The following UBA1 variants were observed in gnomAD, a reference collection of about 807,000 sequenced individuals.
The protein encoded by UBA1 is ubiquitin-like modifier-activating enzyme 1.
UBA1 carries 4 observed loss-of-function variants against 84.7 expected under a neutral mutation model. That is an observed-to-expected ratio of 0.05 (90% confidence interval 0.02 to 0.11). UBA1 has a LOEUF of 0.11. Ranked by LOEUF, UBA1 falls within the 10% of genes least tolerant of loss-of-function variation. The probability of loss-of-function intolerance (pLI) is 1.00; values close to 1 mark genes in which losing one functional copy is unlikely to be tolerated. For missense variants in UBA1, 513 were observed against 902.8 expected, an observed-to-expected ratio of 0.57 and a Z score of 5.53; for synonymous variants, 364 against 362.6, an observed-to-expected ratio of 1.00 and a Z score of -0.04.
In UBA1 at chrX:47,199,545, G is replaced by A. The variant is rs782009712; in HGVS notation, c.411G>A (p.Glu137=). 3.8e-5 allele frequency: 46 copies of A among 1,210,022 alleles called. No individual in the cohort carries two copies. The Middle Eastern group carries it at 6.9e-4, about 18-fold the overall frequency. The change falls in exon 5 of 26, where the codon GAG becomes GAA. Residue 137 remains glutamate (E), a synonymous_variant. Coordinates refer to ENST00000335972, the MANE Select transcript of UBA1 (RefSeq NM_003334.4). ...AGGTATCACAGCCCCGCCTCGCTGAGCTCAACAGCTATGTGCCTGTCACTG... is the reference window on the plus strand; with the variant it reads ...AGGTATCACAGCCCCGCCTCGCTGAACTCAACAGCTATGTGCCTGTCACTG... ...RAEVSQPRLA[E]LNSYVPVTAY...
chrX:47,202,042 G>A (rs782152855), intron 8 of UBA1, 114 bp from the exon 9 acceptor site: 4 of 623,278 alleles, frequency 6.4e-6, no homozygotes, highest in Admixed American at 2.7e-5. Flanking sequence ...GGAGCTGAGG[G>A]AAGACAGCTT....
chrX:47,200,522 G>A (rs1462333970), intron 5 of UBA1, among the ~76,000 whole-genome samples: 1 of 111,716 alleles, frequency 9.0e-6, no homozygotes, highest in Non-Finnish European at 1.9e-5. Flanking sequence ...CGGAGCAGGC[G>A]TCGTCTTGAG....
chrX:47,203,074 G>C, intron 12 of UBA1, 27 bp downstream of exon 12: 1 of 1,204,289 alleles, frequency 8.3e-7, no homozygotes, highest in Non-Finnish European at 1.1e-6. Flanking sequence ...TGTGGGGAGG[G>C]CATCATTGGG....
intron 5 of UBA1, among the ~76,000 whole-genome samples, chrX:47,200,273 T>C (rs1213042688): frequency 8.9e-6 from 1 of 112,344 alleles, no homozygotes; most frequent in African/African-American, 3.2e-5. Context: ...CAGCACTGAC[T>C]TCATGGACTT....
upstream of UBA1, chrX:47,190,986 A>G (rs782413929): frequency 9.8e-5 from 11 of 112,678 alleles, no homozygotes; most frequent in Admixed American, 1.9e-4. Flanking sequence ...GCCTCTGGAC[A>G]GCATTTGGAG....
chrX:47,198,129 T>A lies in UBA1; in HGVS notation c.1-674T>A, dbSNP rs782230974. The A allele has an allele frequency of 2.0e-5, 18 of 922,988 alleles. No individual in the cohort carries two copies. In the South Asian group the frequency reaches 4.3e-4, roughly 22 times the overall value. The allele number at this position is 922,988 out of a possible 1,213,427, so 76.1% of individuals were successfully genotyped here. On this transcript the variant is annotated intron_variant, in intron 1 of 25. Coordinates refer to ENST00000335972, the MANE Select transcript of UBA1 (RefSeq NM_003334.4). Reference sequence around the variant, plus strand: ...CCAAAGCTGGGGGCAGGGTTGGGCTTTATAAAACTTGAGCCCCTCTGGGGA... The same window carrying A: ...CCAAAGCTGGGGGCAGGGTTGGGCTATATAAAACTTGAGCCCCTCTGGGGA...
intron 16 of UBA1, 152 bp from the exon 17 acceptor site, chrX:47,209,471 T>A: frequency 1.8e-6 from 1 of 551,914 alleles, no homozygotes. Flanking sequence ...TCAATTGAGG[T>A]GGGGGAATGG....
chrX:47,199,446 A>G, intron 4 of UBA1, 34 bp from the exon 5 acceptor site: 1 of 1,211,186 alleles, frequency 8.3e-7, no homozygotes, highest in Non-Finnish European at 1.1e-6. Flanking sequence ...TGCCACAGCC[A>G]TTTCATCTTT....
chrX:47,207,854 C>G (rs1556791640), intron 16 of UBA1, among the ~76,000 whole-genome samples: 1 of 112,081 alleles, frequency 8.9e-6, no homozygotes, highest in Non-Finnish European at 1.9e-5. Context: ...ATCTACCTCA[C>G]AGGACTATTG....
At chrX:47,213,329 C>A in intron 23 of UBA1, 148 bp downstream of exon 23, 1 of 621,698 alleles carries the variant, frequency 1.6e-6, no homozygotes, top group Non-Finnish European at 2.4e-6. Context: ...TCATTAATCA[C>A]ATTATTTGAG....
At chrX:47,209,585 A>G (rs1556792691) in intron 16 of UBA1, 38 bp from the exon 17 acceptor site, 2 of 1,191,052 alleles carry the variant, frequency 1.7e-6, no homozygotes, top group Admixed American at 4.3e-5. Context: ...CCATTTTGTC[A>G]ACTGTGGCCA....
chrX:47,208,177 T>G (rs1051853098), intron 16 of UBA1, among the ~76,000 whole-genome samples: 7 of 113,009 alleles, frequency 6.2e-5, no homozygotes, highest in Non-Finnish European at 1.1e-4. Context: ...TGCTATTTTA[T>G]TTTTTGAGAC....
intron 5 of UBA1, among the ~76,000 whole-genome samples, chrX:47,200,099 C>T (rs1317028637): frequency 9.0e-6 from 1 of 111,630 alleles, no homozygotes; most frequent in Non-Finnish European, 1.9e-5. Context: ...CCCGCCTTTT[C>T]AAGTGGGGAA....
At chrX:47,209,559 TAATG>T in intron 16 of UBA1, 60 bp from the exon 17 acceptor site, 3 of 1,049,397 alleles carry the variant, frequency 2.9e-6, no homozygotes, top group Non-Finnish European at 4.0e-6. Flanking sequence ...GTCCTTCTAA[TAATG>T]CCTGCGGAAA....
At chrX:47,208,308 CGTGTAAGTGTGTGTACGT>C (rs1936763689) in intron 16 of UBA1, among the ~76,000 whole-genome samples, 2 of 100,688 alleles carry the variant, frequency 2.0e-5, no homozygotes, top group South Asian at 9.8e-4. Flanking sequence ...TCTGTGTGTA[CGTGTAAGTGTGTGTACGT>C]GTGTGTGTGT....
chrX:47,200,869 G>A (rs193138108), intron 5 of UBA1, 25 bp from the exon 6 acceptor site: 5 of 1,150,024 alleles, frequency 4.3e-6, no homozygotes, highest in Middle Eastern at 2.4e-4. Flanking sequence ...CCCAATGCTG[G>A]GCCTGAGCCT....
chrX:47,193,305 C>T (rs1556784594), upstream of UBA1, among the ~76,000 whole-genome samples: 33 of 111,335 alleles, frequency 3.0e-4, no homozygotes, highest in Non-Finnish European at 9.4e-5. Context: ...TGCAGCAGCC[C>T]CATTTCCCTG....
At chrX:47,199,187 A>T (rs1381076360) in intron 3 of UBA1, 22 bp from the exon 4 acceptor site, 31 of 1,210,936 alleles carry the variant, frequency 2.6e-5, no homozygotes, top group Non-Finnish European at 2.5e-5. Context: ...GCCCTGACCT[A>T]GAGTACCCCC....
chrX:47,205,036 G>A (rs1556790167), intron 14 of UBA1: 1 of 122,582 alleles, frequency 8.2e-6, no homozygotes, highest in Non-Finnish European at 1.7e-5. Context: ...AACCAGACAA[G>A]GGAAGTCGGG....
Sources: allele counts gnomAD v4.1 joint callset (sites outside exome capture counted in the v4.1 genomes callset), GRCh38; gene constraint gnomAD v4.1.1; transcripts MANE v1.5; gene names NCBI Gene and HGNC (gene_info 2026-07-23, HGNC 2026-07-21).